The following KRTAP1-5 variants were observed in gnomAD, a reference collection of about 807,000 sequenced individuals.
The protein encoded by KRTAP1-5 is keratin associated protein 1-5.
Under a neutral mutation model 14.2 loss-of-function variants are expected in KRTAP1-5, and 10 were observed. The observed-to-expected ratio is 0.70, with a 90% CI of 0.43 to 1.19. The LOEUF (loss-of-function observed/expected upper bound fraction) is 1.19, where lower values mean the gene tolerates loss of function less well. Among genes scored for constraint, KRTAP1-5 ranks in the 50% most tolerant of loss-of-function variants. The pLI is 0.00. For missense variants in KRTAP1-5, 234 were observed against 223.5 expected (o/e 1.05, Z -0.30); for synonymous variants, 107 against 80.2 (o/e 1.33, Z -1.79).
rs1453022212 is a variant in KRTAP1-5 at position 41,027,147 on chromosome 17, G to A, written c.9C>T (p.Cys3=). MT[C]CQTSFCGYPS... Reference sequence around the variant, plus strand: ...GATATCCACAGAAGCTGGTCTGGCAGCAGGTCATGGTGTCAGAAGTTGGGT... The same window carrying A: ...GATATCCACAGAAGCTGGTCTGGCAACAGGTCATGGTGTCAGAAGTTGGGT... The change falls in exon 1 of 1, where the codon TGC becomes TGT. Residue 3 remains cysteine (C), a synonymous_variant. Transcript: ENST00000361883. 2 of 1,614,124 alleles carry A rather than the reference G, an allele frequency of 1.2e-6. No individual in the cohort carries two copies. The highest frequency in any genetic ancestry group is 1.1e-5 in the South Asian group (1 of 91,076).
chr17:41,027,201 T>G lies in KRTAP1-5; in HGVS notation c.-46A>C, dbSNP rs1567892584. ...GAGTTAGGTTGCTTGGAGGAGTTTCTGAGGTTTGGTGGTGACTTCCACGTT... is the reference window on the plus strand; with the variant it reads ...GAGTTAGGTTGCTTGGAGGAGTTTCGGAGGTTTGGTGGTGACTTCCACGTT... On this transcript the variant is annotated 5_prime_UTR_variant, in exon 1 of 1. Coordinates refer to ENST00000361883, the MANE Select transcript of KRTAP1-5 (RefSeq NM_031957.2). 1 of 1,597,208 alleles carries G rather than the reference T, an allele frequency of 6.3e-7. No homozygotes were observed. Among genetic ancestry groups the G allele is most frequent in the African/African-American group, 1.3e-5 (1 of 74,668 alleles).
At position 41,026,828 on chromosome 17, in the gene KRTAP1-5, C is replaced by T; in HGVS notation, c.328G>A (p.Gly110Arg). 1.2e-6 allele frequency: 2 copies of T among 1,612,624 alleles called. No individual in the cohort carries two copies. The highest frequency in any genetic ancestry group is 1.7e-6 in the Non-Finnish European group (2 of 1,179,974). The change falls in exon 1 of 1, where the codon GGA becomes AGA. Residue 110 changes from glycine (G) to arginine (R), a missense_variant. Transcript: ENST00000361883. ...GISYGQEGSS[G>R]AVSTRIRWCR... ...CACCTGATACGGGTGCTCACAGCTC[C>T]ACTGCTGCCCTCCTGGCCATAGCTG... is the stretch of plus-strand genomic sequence containing the variant.
rs1363467398 is a variant in KRTAP1-5 at position 41,026,974 on chromosome 17, C to A, written c.182G>T (p.Cys61Phe). 1 of 1,608,648 alleles carries A rather than the reference C, an allele frequency of 6.2e-7. No homozygotes were observed. The highest frequency in any genetic ancestry group is 1.7e-5 in the Admixed American group (1 of 58,578). ...GCTGGTCTCACAGCAGCTTGGCTGG[C>A]AGCAACTGGAGCTGCAGGTCCCACT... ...STSGTCSSSCCQPSCCETSCC... is the reference protein window; with the variant it reads ...STSGTCSSSCFQPSCCETSCC... Residue 61 changes from cysteine to phenylalanine, a missense_variant, in exon 1 of 1, where the codon TGC (cysteine) becomes TTC (phenylalanine). Physicochemically the swap from Cys to Phe is radical, Grantham distance 205. Transcript: ENST00000361883.
In KRTAP1-5 at chr17:41,027,158, T is replaced by C. The variant is rs1338227888; in HGVS notation, c.-3A>G. On this transcript the variant is annotated 5_prime_UTR_variant, in exon 1 of 1. Coordinates refer to ENST00000361883, the MANE Select transcript of KRTAP1-5 (RefSeq NM_031957.2). ...AAGCTGGTCTGGCAGCAGGTCATGG[T>C]GTCAGAAGTTGGGTTAAGAGTTAGG... The C allele has an allele frequency of 6.2e-7, 1 of 1,613,944 alleles. No individual in the cohort carries two copies. The highest frequency in any genetic ancestry group is 1.1e-5 in the South Asian group (1 of 91,070).
In KRTAP1-5 at chr17:41,026,986, C is replaced by G. The variant is rs2012347651; in HGVS notation, c.170G>C (p.Ser57Thr). 3 of 1,607,594 alleles carry G rather than the reference C, an allele frequency of 1.9e-6. No homozygotes were observed. Among genetic ancestry groups the G allele is most frequent in the Non-Finnish European group, 2.5e-6 (3 of 1,178,988 alleles). The change falls in exon 1 of 1, where the codon AGC becomes ACC. Residue 57 changes from serine (S) to threonine (T), a missense_variant. Ser to Thr is a moderately conservative substitution (Grantham distance 58, BLOSUM62 1). Transcript: ENST00000361883. ...GCAGCTTGGCTGGCAGCAACTGGAGCTGCAGGTCCCACTGGTTGAGAAGCT... is the reference window on the plus strand; with the variant it reads ...GCAGCTTGGCTGGCAGCAACTGGAGGTGCAGGTCCCACTGGTTGAGAAGCT... ...FPSFSTSGTC[S>T]SSCCQPSCCE... is the part of the protein sequence containing the mutation.
rs917872415 is a variant in KRTAP1-5, at chr17:41,027,122, G to A, written c.34C>T (p.Pro12Ser). 7 of 1,614,008 alleles carry A rather than the reference G, an allele frequency of 4.3e-6. No individual in the cohort carries two copies. ...TCCQTSFCGY[P>S]SFSISGTCGS... Reference sequence around the variant, plus strand: ...CAGGTCCCACTGATGGAGAAGCTGGGATATCCACAGAAGCTGGTCTGGCAG... The same window carrying A: ...CAGGTCCCACTGATGGAGAAGCTGGAATATCCACAGAAGCTGGTCTGGCAG... Residue 12 changes from proline (P) to serine (S), a missense_variant, in exon 1 of 1, where the codon CCC becomes TCC. Transcript: ENST00000361883.
In KRTAP1-5 at chr17:41,026,890, C is replaced by A; in HGVS notation, c.266G>T (p.Ser89Ile). 1 of 1,612,926 alleles carries A rather than the reference C, an allele frequency of 6.2e-7. No individual in the cohort carries two copies. Among genetic ancestry groups the A allele is most frequent in the Non-Finnish European group, 8.5e-7 (1 of 1,179,960 alleles). Residue 89 changes from serine to isoleucine, a missense_variant, in exon 1 of 1, where the codon AGC becomes ATC. Ser to Ile is a moderately radical substitution (Grantham distance 142, BLOSUM62 -2). Coordinates refer to ENST00000361883, the MANE Select transcript of KRTAP1-5 (RefSeq NM_031957.2). The stretch of plus-strand genomic sequence containing the variant: ...AATGCCACAGCCAGTTCCGCAGGAG[C>A]TGATCTGGCAGCAGCTTGGCTGGCA... The part of the protein sequence containing the change: ...SCCQPSCCQI[S>I]SCGTGCGIGG...
In KRTAP1-5 at chr17:41,026,746, C is replaced by T. The variant is rs752984485; in HGVS notation, c.410G>A (p.Ser137Asn). ...GTYLPPCCVV[S>N]CTPPSCCQLH... ...TTGGCAGCAGGATGGGGGCGTGCAG[C>T]TCACCACACAGCAGGGGGGTAGGTA... The change falls in exon 1 of 1, where the codon AGC becomes AAC. Residue 137 changes from serine to asparagine, a missense_variant. Coordinates refer to ENST00000361883, the MANE Select transcript of KRTAP1-5 (RefSeq NM_031957.2). 9.9e-6 allele frequency: 16 copies of T among 1,613,330 alleles called. No individual in the cohort carries two copies. The African/African-American group carries it at 1.6e-4, about 16-fold the overall frequency.
Position 41,026,947 on chromosome 17 carries a change from C to T in KRTAP1-5, c.209G>A (p.Cys70Tyr). The change falls in exon 1 of 1, where the codon TGC becomes TAC. Residue 70 changes from cysteine to tyrosine, a missense_variant. Coordinates refer to ENST00000361883, the MANE Select transcript of KRTAP1-5 (RefSeq NM_031957.2). ...GGTCTCACAGCAGCTTGGCTGGCAGCAGCTGGTCTCACAGCAGCTTGGCTG... is the reference window on the plus strand; with the variant it reads ...GGTCTCACAGCAGCTTGGCTGGCAGTAGCTGGTCTCACAGCAGCTTGGCTG... ...CCQPSCCETS[C>Y]CQPSCCETSC... is the part of the protein sequence containing the mutation. The T allele has an allele frequency of 6.2e-7, 1 of 1,613,370 alleles. No homozygotes were observed. The highest frequency in any genetic ancestry group is 8.5e-7 in the Non-Finnish European group (1 of 1,179,904).
In KRTAP1-5 at chr17:41,027,073, C is replaced by A. The variant is rs2012351787; in HGVS notation, c.83G>T (p.Ser28Ile). The change falls in exon 1 of 1, where the codon AGC becomes ATC. Residue 28 changes from serine (S) to isoleucine (I), a missense_variant. Physicochemically the swap from Ser to Ile is moderately radical, Grantham distance 142. Coordinates refer to ENST00000361883, the MANE Select transcript of KRTAP1-5 (RefSeq NM_031957.2). ...CTGGCAGCAGCTGGTCTCACAGCAG[C>A]TTGGCTGGCAGCAGCTGGAGCCACA... ...GTCGSSCCQP[S>I]CCETSCCQPR... The A allele has an allele frequency of 6.2e-7, 1 of 1,613,552 alleles. No individual in the cohort carries two copies. Among genetic ancestry groups the A allele is most frequent in the African/African-American group, 1.3e-5 (1 of 74,802 alleles).
In KRTAP1-5 at chr17:41,026,570, C is replaced by A; in HGVS notation, c.*61G>T. The A allele has an allele frequency of 2.6e-6, 4 of 1,529,570 alleles. No individual in the cohort carries two copies. In the South Asian group the frequency reaches 3.8e-5, roughly 15 times the overall value. 94.7% of individuals were successfully genotyped at this position (1,529,570 alleles called of 1,614,324 possible). ...AACTTGTTAGTGGTCCAGAGGTGGT[C>A]AAGGGATGAACAGTTCAGAGACACT... On this transcript the variant is annotated 3_prime_UTR_variant, in exon 1 of 1. Transcript: ENST00000361883.
Position 41,027,105 on chromosome 17 carries a change from A to G in KRTAP1-5, c.51T>C (p.Ser17=), listed in dbSNP as rs781377954. ...GGCAGCAGCTGGAGCCACAGGTCCCACTGATGGAGAAGCTGGGATATCCAC... is the reference window on the plus strand; with the variant it reads ...GGCAGCAGCTGGAGCCACAGGTCCCGCTGATGGAGAAGCTGGGATATCCAC... ...SFCGYPSFSI[S]GTCGSSCCQP... is the part of the protein sequence containing the mutation. The change falls in exon 1 of 1, where the codon AGT becomes AGC. Residue 17 remains serine (S), a synonymous_variant. Transcript: ENST00000361883. 9.3e-6 allele frequency: 15 copies of G among 1,614,070 alleles called. No homozygotes were observed. The highest frequency in any genetic ancestry group is 1.3e-5 in the African/African-American group (1 of 74,916).
In KRTAP1-5 at chr17:41,026,627, G is replaced by A. The variant is rs932521731; in HGVS notation, c.*4C>T. The A allele has an allele frequency of 4.4e-6, 7 of 1,589,902 alleles. No individual in the cohort carries two copies. In the African/African-American group the frequency reaches 9.4e-5, roughly 21 times the overall value. On this transcript the variant is annotated 3_prime_UTR_variant, in exon 1 of 1. Transcript: ENST00000361883. ...TAGGCAATTGAAAATAAGCAAACTG[G>A]CTTTCAGCAAGTGGGCTCACAGCAG...
Position 41,026,878 on chromosome 17 carries a change from G to C in KRTAP1-5, c.278C>G (p.Thr93Ser), listed in dbSNP as rs2012341625. 2 of 1,612,788 alleles carry C rather than the reference G, an allele frequency of 1.2e-6. No homozygotes were observed. The highest frequency in any genetic ancestry group is 1.7e-6 in the Non-Finnish European group (2 of 1,179,970). The change falls in exon 1 of 1, where the codon ACT becomes AGT. Residue 93 changes from threonine (T) to serine (S), a missense_variant. Physicochemically the swap from Thr to Ser is moderately conservative, Grantham distance 58 (BLOSUM62 1). Coordinates refer to ENST00000361883, the MANE Select transcript of KRTAP1-5 (RefSeq NM_031957.2). ...PSCCQISSCG[T>S]GCGIGGGISY... ...GATGCCACCACCAATGCCACAGCCA[G>C]TTCCGCAGGAGCTGATCTGGCAGCA...
In KRTAP1-5 at chr17:41,026,985, G is replaced by T; in HGVS notation, c.171C>A (p.Ser57Arg). 1 of 1,607,674 alleles carries T rather than the reference G, an allele frequency of 6.2e-7. No individual in the cohort carries two copies. Among genetic ancestry groups the T allele is most frequent in the Non-Finnish European group, 8.5e-7 (1 of 1,178,974 alleles). ...FPSFSTSGTC[S>R]SSCCQPSCCE... is the part of the protein sequence containing the mutation. ...AGCAGCTTGGCTGGCAGCAACTGGA[G>T]CTGCAGGTCCCACTGGTTGAGAAGC... The change falls in exon 1 of 1, where the codon AGC (serine) becomes AGA (arginine). Residue 57 changes from serine to arginine, a missense_variant. Coordinates refer to ENST00000361883, the MANE Select transcript of KRTAP1-5 (RefSeq NM_031957.2).
In KRTAP1-5 at chr17:41,026,794, G is replaced by T. The variant is rs2012338191; in HGVS notation, c.362C>A (p.Pro121Gln). 6.2e-7 allele frequency: 1 copy of T among 1,613,180 alleles called. No individual in the cohort carries two copies. Among genetic ancestry groups the T allele is most frequent in the Non-Finnish European group, 8.5e-7 (1 of 1,180,022 alleles). Reference protein sequence around the residue: ...AVSTRIRWCRPDSRVEGTYLP... With the variant: ...AVSTRIRWCRQDSRVEGTYLP... The stretch of plus-strand genomic sequence containing the variant: ...GTAGGTGCCCTCCACACGACTGTCT[G>T]GGCGGCACCACCTGATACGGGTGCT... The change falls in exon 1 of 1, where the codon CCA (proline) becomes CAA (glutamine). Residue 121 changes from proline to glutamine, a missense_variant. Coordinates refer to ENST00000361883, the MANE Select transcript of KRTAP1-5 (RefSeq NM_031957.2).
rs1468009168 is a variant in KRTAP1-5, at chr17:41,026,840, C to T, written c.316G>A (p.Glu106Lys). 1.2e-6 allele frequency: 2 copies of T among 1,612,564 alleles called. No individual in the cohort carries two copies. The highest frequency in any genetic ancestry group is 8.5e-7 in the Non-Finnish European group (1 of 1,179,990). ...GTGCTCACAGCTCCACTGCTGCCCT[C>T]CTGGCCATAGCTGATGCCACCACCA... The part of the protein sequence containing the change: ...GIGGGISYGQ[E>K]GSSGAVSTRI... Residue 106 changes from glutamate (E) to lysine (K), a missense_variant, in exon 1 of 1, where the codon GAG (glutamate) becomes AAG (lysine). Coordinates refer to ENST00000361883, the MANE Select transcript of KRTAP1-5 (RefSeq NM_031957.2).
At position 41,027,136 on chromosome 17, in the gene KRTAP1-5, C is replaced by A. The variant is rs1210269149; in HGVS notation, c.20G>T (p.Ser7Ile). The change falls in exon 1 of 1, where the codon AGC becomes ATC. Residue 7 changes from serine (S) to isoleucine (I), a missense_variant. Transcript: ENST00000361883. ...GGAGAAGCTGGGATATCCACAGAAG[C>A]TGGTCTGGCAGCAGGTCATGGTGTC... MTCCQTSFCGYPSFSIS... is the reference protein window; with the variant it reads MTCCQTIFCGYPSFSIS... The A allele has an allele frequency of 6.2e-7, 1 of 1,614,028 alleles. No homozygotes were observed. The highest frequency in any genetic ancestry group is 1.3e-5 in the African/African-American group (1 of 74,934).
At position 41,026,604 on chromosome 17, in the gene KRTAP1-5, G is replaced by C; in HGVS notation, c.*27C>G. The C allele has an allele frequency of 6.4e-7, 1 of 1,572,952 alleles. No homozygotes were observed. On this transcript the variant is annotated 3_prime_UTR_variant, in exon 1 of 1. Transcript: ENST00000361883. ...AACAGTTCAGAGACACTGTGACCTA[G>C]GCAATTGAAAATAAGCAAACTGGCT...
Sources: allele counts gnomAD v4.1 joint callset, GRCh38; gene constraint gnomAD v4.1.1; transcripts MANE v1.5; gene names NCBI Gene and HGNC (gene_info 2026-07-23, HGNC 2026-07-21).